The following CSMD1 variants were observed in gnomAD, a reference collection of about 807,000 sequenced individuals.
The protein encoded by CSMD1 is CUB and Sushi multiple domains 1.
CSMD1 carries 213 observed loss-of-function variants against 417.5 expected under a neutral mutation model. The ratio of observed to expected loss-of-function variants is 0.51; its 90% confidence interval spans 0.46 to 0.57. The LOEUF (loss-of-function observed/expected upper bound fraction) is 0.57, where lower values mean the gene tolerates loss of function less well. Among genes scored for constraint, CSMD1 ranks in the 20% least tolerant of loss-of-function variants. CSMD1 has a pLI of 0.00. For missense variants in CSMD1, 6,923 were observed against 4,529.7 expected (o/e 1.53, Z -15.17); for synonymous variants, 2,862 against 1,736.8 (o/e 1.65, Z -16.11).
At chr8:4,923,929 G>T (rs1016163437) in intron 1 of CSMD1, among the ~76,000 whole-genome samples, 1 of 152,208 alleles carries the variant, frequency 6.6e-6, no homozygotes, top group South Asian at 2.1e-4. Context: ...ATGGAGGAAA[G>T]AAAGTAGCTT....
intron 7 of CSMD1, among the ~76,000 whole-genome samples, chr8:3,678,581 G>A (rs372502134): frequency 4.6e-5 from 7 of 152,146 alleles, no homozygotes; most frequent in South Asian, 2.1e-4. Context: ...TGAGAGTGAC[G>A]GGGAGAATGG....
intron 2 of CSMD1, among the ~76,000 whole-genome samples, chr8:4,431,613 C>A (rs776023081): frequency 1.3e-5 from 2 of 151,856 alleles, no homozygotes; most frequent in African/African-American, 4.8e-5. Context: ...AAAACCAAAA[C>A]CAAAACGAAA....
intron 1 of CSMD1, among the ~76,000 whole-genome samples, chr8:4,748,388 T>G (rs904955799): frequency 2.6e-5 from 4 of 152,244 alleles, no homozygotes; most frequent in African/African-American, 9.6e-5. Context: ...TGAATACTTT[T>G]TAAATCTGAA....
At chr8:4,086,655 C>T (rs975751282) in intron 3 of CSMD1, among the ~76,000 whole-genome samples, 2 of 152,200 alleles carry the variant, frequency 1.3e-5, no homozygotes, top group Non-Finnish European at 2.9e-5. Flanking sequence ...CGATTTCATT[C>T]TTTCTCATTC....
At chr8:4,279,896 C>A (rs1796686428) in intron 3 of CSMD1, among the ~76,000 whole-genome samples, 1 of 152,150 alleles carries the variant, frequency 6.6e-6, no homozygotes, top group Non-Finnish European at 1.5e-5. Flanking sequence ...GCGTCAAAAG[C>A]TTGTGTTCTA....
At chr8:4,643,644 G>C (rs1010631677) in intron 1 of CSMD1, among the ~76,000 whole-genome samples, 3 of 152,192 alleles carry the variant, frequency 2.0e-5, no homozygotes, top group African/African-American at 7.2e-5. Flanking sequence ...AATAGTGAGA[G>C]GCCTCAGATT....
intron 25 of CSMD1, among the ~76,000 whole-genome samples, chr8:3,299,872 G>C (rs761908380): frequency 2.0e-5 from 3 of 152,106 alleles, no homozygotes; most frequent in African/African-American, 4.8e-5. Context: ...ATGTAGAGAC[G>C]CCCAATTTCT....
At chr8:3,671,438 C>T (rs117518530) in intron 7 of CSMD1, among the ~76,000 whole-genome samples, 9,467 of 120,762 alleles carry the variant, frequency 0.078, 830 homozygotes, top group South Asian at 0.11. Context: ...TATATAGTCA[C>T]ATATAATCAT....
rs187972022 is a variant in CSMD1, at chr8:3,866,101, G to A, written c.819-112059C>T. 3.3e-5 allele frequency among the ~76,000 whole-genome samples: 5 copies of A among 152,068 alleles called. No homozygotes were observed. In the East Asian group the frequency reaches 9.7e-4, roughly 29 times the overall value. ...TATTCATGAGCTTTCTTCCAAATAAGGATTACATTATTCCATATGTAAGTG... is the reference window on the plus strand; with the variant it reads ...TATTCATGAGCTTTCTTCCAAATAAAGATTACATTATTCCATATGTAAGTG... On this transcript the variant is annotated intron_variant, in intron 5 of 69. Transcript: ENST00000635120.
At chr8:4,132,223 T>C (rs1260751194) in intron 3 of CSMD1, among the ~76,000 whole-genome samples, 9 of 134,488 alleles carry the variant, frequency 6.7e-5, no homozygotes, top group Non-Finnish European at 1.2e-4. Flanking sequence ...TTTCACGGGG[T>C]AGTAATACCC....
intron 3 of CSMD1, among the ~76,000 whole-genome samples, chr8:4,218,708 C>T (rs867459440): frequency 3.3e-5 from 5 of 152,156 alleles, no homozygotes; most frequent in African/African-American, 1.2e-4. Flanking sequence ...TAGAGGCAAC[C>T]ATTACAGTGA....
intron 12 of CSMD1, among the ~76,000 whole-genome samples, chr8:3,412,497 G>A (rs1355705902): frequency 6.6e-6 from 1 of 151,952 alleles, no homozygotes; most frequent in Non-Finnish European, 1.5e-5. Flanking sequence ...TAAGTGTCTG[G>A]GAATATCAAA....
chr8:3,172,888 G>C (rs1230262397), intron 37 of CSMD1, among the ~76,000 whole-genome samples: 1 of 152,162 alleles, frequency 6.6e-6, no homozygotes, highest in Non-Finnish European at 1.5e-5. Flanking sequence ...TCTCATGATT[G>C]ATGATTTTCT....
chr8:4,418,656 A>G (rs765111891), intron 3 of CSMD1, among the ~76,000 whole-genome samples: 1 of 152,098 alleles, frequency 6.6e-6, no homozygotes, highest in Non-Finnish European at 1.5e-5. Context: ...AATATTCTGC[A>G]AAAAATGAAA....
chr8:3,087,988 G>T (rs1429479294), intron 48 of CSMD1, among the ~76,000 whole-genome samples: 1 of 152,150 alleles, frequency 6.6e-6, no homozygotes, highest in Non-Finnish European at 1.5e-5. Flanking sequence ...TGACTGTTCA[G>T]TGAAACTTCT....
At chr8:4,720,161 A>G (rs1808959310) in intron 1 of CSMD1, among the ~76,000 whole-genome samples, 1 of 100,624 alleles carries the variant, frequency 9.9e-6, no homozygotes, top group African/African-American at 3.0e-5. Flanking sequence ...ACGTATACAT[A>G]CATATAACAT....
At chr8:3,118,340 T>A in intron 42 of CSMD1, 59 bp downstream of exon 42, 2 of 1,157,298 alleles carry the variant, frequency 1.7e-6, no homozygotes, top group Non-Finnish European at 2.5e-6. Context: ...ATTTAATATT[T>A]AATGTGCTAT....
At chr8:4,241,047 T>G (rs1028518877) in intron 3 of CSMD1, among the ~76,000 whole-genome samples, 1 of 152,210 alleles carries the variant, frequency 6.6e-6, no homozygotes, top group Admixed American at 6.5e-5. Flanking sequence ...AGTCTTTTAA[T>G]GAAGCTACCC....
intron 2 of CSMD1, among the ~76,000 whole-genome samples, chr8:4,488,701 G>T (rs1234373929): frequency 6.6e-6 from 1 of 151,898 alleles, no homozygotes; most frequent in South Asian, 2.1e-4. Context: ...GGTGAAAAGT[G>T]TGGATATGTG....
Sources: allele counts gnomAD v4.1 joint callset (sites outside exome capture counted in the v4.1 genomes callset), GRCh38; gene constraint gnomAD v4.1.1; transcripts MANE v1.5; gene names NCBI Gene and HGNC (gene_info 2026-07-23, HGNC 2026-07-21).